The following BLOC1S1 variants were observed in gnomAD, a reference collection of about 807,000 sequenced individuals.
BLOC1S1 encodes the protein biogenesis of lysosome-related organelles complex 1 subunit 1.
BLOC1S1 carries 11 observed loss-of-function variants against 19.0 expected under a neutral mutation model. That is an observed-to-expected ratio of 0.58 (90% confidence interval 0.37 to 0.96). The LOEUF (loss-of-function observed/expected upper bound fraction) is 0.96, where lower values mean the gene tolerates loss of function less well. Ranked by LOEUF, BLOC1S1 falls within the 40% of genes least tolerant of loss-of-function variation. The pLI, the probability that BLOC1S1 is intolerant of heterozygous loss-of-function variation, is 0.01. For synonymous variants in BLOC1S1, 94 were observed against 76.4 expected (o/e 1.23, Z -1.20); for missense variants, 220 against 195.9 (o/e 1.12, Z -0.73).
In BLOC1S1 at chr12:55,719,227, G is replaced by A. The variant is rs1323548651; in HGVS notation, c.351+4G>A. On this transcript the variant is annotated splice_donor_region_variant and intron_variant, in intron 3 of 3. Transcript: ENST00000548925. ...GAACTTCAACCAGGCACTCAAGGTG[G>A]GCCATACTCCCTACCTCACCACCCC... is the stretch of plus-strand genomic sequence containing the variant. 1.2e-6 allele frequency: 2 copies of A among 1,613,938 alleles called. No homozygotes were observed. Among genetic ancestry groups the A allele is most frequent in the Non-Finnish European group, 1.7e-6 (2 of 1,179,994 alleles).
chr12:55,717,860 C>A (rs1876692053), intron 2 of BLOC1S1, among the ~76,000 whole-genome samples: 2 of 152,156 alleles, frequency 1.3e-5, no homozygotes, highest in African/African-American at 2.4e-5. Context: ...AGCAGGTGGT[C>A]AATGGGGAAA....
intron 1 of BLOC1S1, chr12:55,716,451 C>A: frequency 7.4e-7 from 1 of 1,347,554 alleles, no homozygotes; most frequent in East Asian, 3.2e-5. Flanking sequence ...TAGCCCCGCC[C>A]CTGCCCCGGA....
chr12:55,718,296 T>C (rs1053095586), intron 2 of BLOC1S1, among the ~76,000 whole-genome samples: 2 of 152,132 alleles, frequency 1.3e-5, no homozygotes, highest in Non-Finnish European at 2.9e-5. Flanking sequence ...TGGAATCTCC[T>C]GGCTGAGTAG....
At chr12:55,719,436 G>A in intron 3 of BLOC1S1, 63 bp from the exon 4 acceptor site, 2 of 1,514,430 alleles carry the variant, frequency 1.3e-6, no homozygotes, top group Non-Finnish European at 1.8e-6. Context: ...GTATTCCCCA[G>A]ACTGGAAGCC....
At chr12:55,716,553 T>C (rs1291463037) in intron 1 of BLOC1S1, 3 of 1,206,564 alleles carry the variant, frequency 2.5e-6, no homozygotes, top group Non-Finnish European at 3.1e-6. Flanking sequence ...CCCCCAGAGA[T>C]GGGCTTCTTG....
rs201759725 is a variant in BLOC1S1, at chr12:55,717,024, C to T, written c.218+19C>T. The stretch of plus-strand genomic sequence containing the variant: ...ATGTGGGGTATGGACCTCTTATCAA[C>T]ATCAGTTTCCTCCTTCCCCACCCCG... On this transcript the variant is annotated intron_variant, in intron 2 of 3. Coordinates refer to ENST00000548925, the MANE Select transcript of BLOC1S1 (RefSeq NM_001487.4). 2.8e-4 allele frequency: 440 copies of T among 1,555,118 alleles called. No homozygotes were observed. The highest frequency in any genetic ancestry group is 3.7e-4 in the Non-Finnish European group (425 of 1,154,412).
chr12:55,718,496 G>C (rs985747800), intron 2 of BLOC1S1, among the ~76,000 whole-genome samples: 8 of 148,772 alleles, frequency 5.4e-5, no homozygotes, highest in Non-Finnish European at 1.0e-4. Context: ...GAGAGCATGT[G>C]TGTGTGTGTG....
chr12:55,719,661 G>A lies in BLOC1S1; in HGVS notation c.*52G>A. The A allele has an allele frequency of 1.3e-6, 2 of 1,494,802 alleles. No individual in the cohort carries two copies. The highest frequency in any genetic ancestry group is 1.9e-6 in the Non-Finnish European group (2 of 1,075,318). The allele number at this position is 1,494,802 out of a possible 1,614,324, so 92.6% of individuals were successfully genotyped here. On this transcript the variant is annotated 3_prime_UTR_variant, in exon 4 of 4. Transcript: ENST00000548925. ...CCTCCTACCTCACCCGCAGGGGGAA[G>A]GAGGGAGGCTGACAAGCCTTGAATA...
At chr12:55,718,510 G>T (rs1294871733) in intron 2 of BLOC1S1, among the ~76,000 whole-genome samples, 1 of 151,862 alleles carries the variant, frequency 6.6e-6, no homozygotes, top group Non-Finnish European at 1.5e-5. Flanking sequence ...GTGTGTGTGT[G>T]TGTGTGTTTG....
At chr12:55,717,310 C>G (rs551552834) in intron 2 of BLOC1S1, among the ~76,000 whole-genome samples, 1 of 152,220 alleles carries the variant, frequency 6.6e-6, no homozygotes, top group Non-Finnish European at 1.5e-5. Context: ...CCAAGTCCAG[C>G]TGTCACTTCA....
chr12:55,719,388 G>T, intron 3 of BLOC1S1, 111 bp from the exon 4 acceptor site: 1 of 1,451,888 alleles, frequency 6.9e-7, no homozygotes, highest in East Asian at 2.3e-5. Flanking sequence ...AGCAGTTGGT[G>T]GGTCCAAGTA....
chr12:55,717,858 G>T (rs1422317931), intron 2 of BLOC1S1, among the ~76,000 whole-genome samples: 1 of 152,164 alleles, frequency 6.6e-6, no homozygotes, highest in Non-Finnish European at 1.5e-5. Context: ...GAAGCAGGTG[G>T]TCAATGGGGA....
At chr12:55,716,551 G>A (rs1876555076) in intron 1 of BLOC1S1, 3 of 1,215,630 alleles carry the variant, frequency 2.5e-6, no homozygotes, top group East Asian at 5.0e-5. Flanking sequence ...ACCCCCCAGA[G>A]ATGGGCTTCT....
Position 55,716,192 on chromosome 12 carries a change from G to T in BLOC1S1, c.141G>T (p.Leu47=), listed in dbSNP as rs751303015. The T allele has an allele frequency of 2.5e-6, 4 of 1,608,674 alleles. No homozygotes were observed. The highest frequency in any genetic ancestry group is 3.4e-6 in the Non-Finnish European group (4 of 1,177,462). Residue 47 remains leucine (L), a synonymous_variant, in exon 1 of 4, where the codon CTG becomes CTT. Coordinates refer to ENST00000548925, the MANE Select transcript of BLOC1S1 (RefSeq NM_001487.4). ...HQAKQNERKE[L]QEKRRREAIT... is the part of the protein sequence containing the mutation. ...CCAAGCAGAATGAACGCAAGGAGCT[G>T]CAGGGTGAGCCAAATATCCTGTCGG... is the stretch of plus-strand genomic sequence containing the variant.
chr12:55,716,705 C>T, intron 1 of BLOC1S1: 11 of 1,307,052 alleles, frequency 8.4e-6, no homozygotes, highest in Non-Finnish European at 8.7e-6. Context: ...CGCTGACTTC[C>T]TGGCGTCCCT....
intron 2 of BLOC1S1, 43 bp from the exon 3 acceptor site, chr12:55,719,048 C>A (rs781779515): frequency 1.3e-6 from 2 of 1,598,964 alleles, no homozygotes; most frequent in East Asian, 2.2e-5. Context: ...GAGACCACCC[C>A]CAACTAGCTG....
intron 3 of BLOC1S1, 114 bp from the exon 4 acceptor site, chr12:55,719,385 G>C: frequency 1.4e-6 from 2 of 1,457,232 alleles, no homozygotes; most frequent in Non-Finnish European, 1.9e-6. Flanking sequence ...AAAAGCAGTT[G>C]GTGGGTCCAA....
At position 55,716,076 on chromosome 12, in the gene BLOC1S1, C is replaced by A. The variant is rs779038442; in HGVS notation, c.25C>A (p.Arg9Ser). The A allele has an allele frequency of 3.8e-6, 6 of 1,573,154 alleles. No individual in the cohort carries two copies. The highest frequency in any genetic ancestry group is 1.2e-5 in the South Asian group (1 of 86,374). Residue 9 changes from arginine (R) to serine (S), a missense_variant, in exon 1 of 4, where the codon CGT becomes AGT. Physicochemically the swap from Arg to Ser is moderately radical, Grantham distance 110 (BLOSUM62 -1). Transcript: ENST00000548925. MAPGSRGE[R>S]SSFRSRRGPG... ...CATGGCCCCGGGGAGCCGAGGTGAG[C>A]GTTCCAGCTTCCGGAGCCGGAGGGG...
chr12:55,716,894 C>A (rs776934137), intron 1 of BLOC1S1, 39 bp from the exon 2 acceptor site: 4 of 1,561,094 alleles, frequency 2.6e-6, no homozygotes, highest in Non-Finnish European at 3.5e-6. Flanking sequence ...CCTCAAAAAA[C>A]CAAGTCTCCC....
Sources: allele counts gnomAD v4.1 joint callset (sites outside exome capture counted in the v4.1 genomes callset), GRCh38; gene constraint gnomAD v4.1.1; transcripts MANE v1.5; gene names NCBI Gene and HGNC (gene_info 2026-07-23, HGNC 2026-07-21).